The following TAFA3 variants were observed in gnomAD, a reference collection of about 807,000 sequenced individuals.
TAFA3 encodes the protein TAFA chemokine like family member 3.
A neutral mutation model predicts 20.7 loss-of-function variants in TAFA3; 17 were observed. The observed-to-expected ratio is 0.82, with a 90% confidence interval of 0.56 to 1.23. The LOEUF (loss-of-function observed/expected upper bound fraction) is 1.23, where lower values mean the gene tolerates loss of function less well. Ranked by LOEUF, TAFA3 falls within the 50% of genes most tolerant of loss-of-function variation. The pLI is 0.00. For missense variants in TAFA3, 174 were observed against 172.8 expected (o/e 1.01, Z -0.04); for synonymous variants, 74 against 71.8 (o/e 1.03, Z -0.16).
In TAFA3 at chr1:112,720,635, G is replaced by A. The variant is rs1675305906; in HGVS notation, c.-2+1G>A. 6.6e-6 allele frequency: 1 copy of A among 152,530 alleles called. No homozygotes were observed. Among genetic ancestry groups the A allele is most frequent in the Admixed American group, 6.5e-5 (1 of 15,290 alleles). 9.4% of individuals were successfully genotyped at this position (152,530 alleles called of 1,614,324 possible). ...CAGAAACTGAAAGATCCCCAAAAAG[G>A]TAAGTGGGGAGACATTGAAGATGGG... is the stretch of plus-strand genomic sequence containing the variant. On this transcript the variant is annotated splice_donor_variant, in intron 2 of 5. Transcript: ENST00000361886. LOFTEE classifies it low-confidence loss of function (5UTR_SPLICE).
At chr1:112,722,702 C>T (rs114370824) in intron 3 of TAFA3, among the ~76,000 whole-genome samples, 96 of 152,290 alleles carry the variant, frequency 6.3e-4, no homozygotes, top group African/African-American at 2.2e-3. Flanking sequence ...CCTCCCCACG[C>T]ATTGTAAGCC....
intron 2 of TAFA3, among the ~76,000 whole-genome samples, chr1:112,720,848 G>A (rs1392814225): frequency 6.6e-6 from 1 of 152,186 alleles, no homozygotes; most frequent in Non-Finnish European, 1.5e-5. Flanking sequence ...TCAATGGCTG[G>A]GCAGCTCCTA....
chr1:112,721,902 AAG>A (rs1675337537), intron 2 of TAFA3, among the ~76,000 whole-genome samples: 1 of 152,206 alleles, frequency 6.6e-6, no homozygotes, highest in Non-Finnish European at 1.5e-5. Flanking sequence ...TGAAGAATTC[AAG>A]AGTGTGCATG....
In TAFA3 at chr1:112,727,031, CCT is replaced by C. The variant is rs1250831174; in HGVS notation, c.*392_*393del. ...GAGATTCCCACAGTTCTTCAGATAC[CCT>C]GTGGCCACAGGGCATAGAAACAAGA... On this transcript the variant is annotated 3_prime_UTR_variant, in exon 6 of 6. Transcript: ENST00000361886. 1 of 230,176 alleles carries C rather than the reference CCT, an allele frequency of 4.3e-6. No homozygotes were observed. Among genetic ancestry groups the C allele is most frequent in the African/African-American group, 2.3e-5 (1 of 43,692 alleles). 14.3% of individuals were successfully genotyped at this position (230,176 alleles called of 1,614,324 possible).
At position 112,718,983 on chromosome 1, in the gene TAFA3, G is replaced by A. The variant is rs927913289; in HGVS notation, c.-376G>A. ...CCCGGGGCGAGGCGGCGGTTGCGGCGGCGGCTGCGCGCTCCCCGGCCTGCC... is the reference window on the plus strand; with the variant it reads ...CCCGGGGCGAGGCGGCGGTTGCGGCAGCGGCTGCGCGCTCCCCGGCCTGCC... On this transcript the variant is annotated 5_prime_UTR_variant, in exon 1 of 6. Coordinates refer to ENST00000361886, the MANE Select transcript of TAFA3 (RefSeq NM_182759.3). 6.6e-6 allele frequency among the ~76,000 whole-genome samples: 1 copy of A among 152,200 alleles called. No individual in the cohort carries two copies. The highest frequency in any genetic ancestry group is 2.4e-5 in the African/African-American group (1 of 41,460).
chr1:112,722,294 G>A lies in TAFA3; in HGVS notation c.61G>A (p.Ala21Thr), dbSNP rs1675347916. The A allele has an allele frequency of 1.9e-6, 3 of 1,614,068 alleles. No homozygotes were observed. Among genetic ancestry groups the A allele is most frequent in the East Asian group, 4.5e-5 (2 of 44,878 alleles). The change falls in exon 3 of 6, where the codon GCC becomes ACC. Residue 21 changes from alanine to threonine, a missense_variant. Transcript: ENST00000361886. The part of the protein sequence containing the change: ...TGGWLLALCL[A>T]WLWTHLTLAA... ...CGGCTGGCTGCTGGCACTGTGCCTGGCCTGGCTGTGGACCCACCTGACCTT... is the reference window on the plus strand; with the variant it reads ...CGGCTGGCTGCTGGCACTGTGCCTGACCTGGCTGTGGACCCACCTGACCTT...
At chr1:112,725,689 C>T (rs888764120) in intron 5 of TAFA3, among the ~76,000 whole-genome samples, 2 of 152,172 alleles carry the variant, frequency 1.3e-5, no homozygotes, top group African/African-American at 4.8e-5. Context: ...TTTTATCAAA[C>T]TCGTTAGCAG....
intron 1 of TAFA3, among the ~76,000 whole-genome samples, chr1:112,719,980 G>C (rs148594851): frequency 6.7e-4 from 102 of 152,286 alleles, no homozygotes; most frequent in African/African-American, 2.2e-3. Flanking sequence ...AGAGAGGTGA[G>C]GGAAGAGAGG....
At chr1:112,723,885 G>A in intron 4 of TAFA3, 128 bp from the exon 5 acceptor site, 2 of 1,592,396 alleles carry the variant, frequency 1.3e-6, no homozygotes, top group African/African-American at 1.3e-5. Context: ...GTAGGGGAAA[G>A]ACAAGGGAAA....
chr1:112,722,102 A>G, intron 2 of TAFA3, 131 bp from the exon 3 acceptor site: 2 of 888,814 alleles, frequency 2.3e-6, no homozygotes, highest in Non-Finnish European at 3.6e-6. Context: ...CCAGGTCGAA[A>G]GATGCCTGGG....
In TAFA3 at chr1:112,722,997, C is replaced by T. The variant is rs369203913; in HGVS notation, c.116-19C>T. Reference sequence around the variant, plus strand: ...GGGTCGGGCGTGTTGGGCGTCTGATCCTGGGCGGCTCCCCTCAGTGCTTGT... The same window carrying T: ...GGGTCGGGCGTGTTGGGCGTCTGATTCTGGGCGGCTCCCCTCAGTGCTTGT... On this transcript the variant is annotated intron_variant, in intron 3 of 5. Transcript: ENST00000361886. The T allele has an allele frequency of 6.3e-7, 1 of 1,599,560 alleles. No homozygotes were observed. Among genetic ancestry groups the T allele is most frequent in the African/African-American group, 1.3e-5 (1 of 74,636 alleles).
In TAFA3 at chr1:112,726,877, T is replaced by C; in HGVS notation, c.*237T>C. The C allele has an allele frequency of 1.7e-6, 1 of 574,394 alleles. No individual in the cohort carries two copies. The highest frequency in any genetic ancestry group is 3.1e-6 in the Non-Finnish European group (1 of 324,594). The allele number at this position is 574,394 out of a possible 1,614,324, so 35.6% of individuals were successfully genotyped here. ...GACACGAAGGTCAACACACAATTCC[T>C]GCCCTTAAGGAATGTCCAGTTGAAT... is the stretch of plus-strand genomic sequence containing the variant. On this transcript the variant is annotated 3_prime_UTR_variant, in exon 6 of 6. Transcript: ENST00000361886.
In TAFA3 at chr1:112,720,063, C is replaced by T. The variant is rs186930778; in HGVS notation, c.-59-514C>T. On this transcript the variant is annotated intron_variant, in intron 1 of 5. Transcript: ENST00000361886. ...CTCAGGGACCTGGAGTGTCCCCATT[C>T]CAGCCCTCTGGTGTGGGAATGGGGG... Among the ~76,000 whole-genome samples, 6 of 152,282 alleles carry T rather than the reference C, an allele frequency of 3.9e-5. No individual in the cohort carries two copies. In the East Asian group the frequency reaches 1.2e-3, roughly 29 times the overall value.
chr1:112,726,404 G>A (rs1675472970), intron 5 of TAFA3, among the ~76,000 whole-genome samples: 1 of 152,240 alleles, frequency 6.6e-6, no homozygotes, highest in Admixed American at 6.5e-5. Context: ...CTGTAAGGAA[G>A]TGCTTGCAAT....
At chr1:112,719,824 G>C (rs1283997094) in intron 1 of TAFA3, among the ~76,000 whole-genome samples, 4 of 152,108 alleles carry the variant, frequency 2.6e-5, no homozygotes, top group African/African-American at 9.7e-5. Flanking sequence ...TCAGCCCAGG[G>C]AGCACACCCA....
intron 4 of TAFA3, 169 bp from the exon 5 acceptor site, chr1:112,723,844 G>A (rs1675391598): frequency 7.4e-7 from 1 of 1,356,874 alleles, no homozygotes; most frequent in Non-Finnish European, 1.0e-6. Flanking sequence ...CCAGGCCTCA[G>A]GCTGAGTACT....
intron 4 of TAFA3, 181 bp from the exon 5 acceptor site, chr1:112,723,832 C>A: frequency 8.3e-7 from 1 of 1,211,246 alleles, no homozygotes; most frequent in Non-Finnish European, 1.2e-6. Context: ...AGGGTTACGT[C>A]CCCAGGCCTC....
At chr1:112,725,406 A>C (rs74113239) in intron 5 of TAFA3, among the ~76,000 whole-genome samples, 5 of 93,296 alleles carry the variant, frequency 5.4e-5, no homozygotes, top group Admixed American at 1.0e-4. Context: ...AAAAAAAAAA[A>C]AAAAAAAAAC....
At position 112,726,670 on chromosome 1, in the gene TAFA3, G is replaced by A. The variant is rs775384603; in HGVS notation, c.*30G>A. 5 of 1,613,844 alleles carry A rather than the reference G, an allele frequency of 3.1e-6. No homozygotes were observed. In the African/African-American group the frequency reaches 6.7e-5, roughly 22 times the overall value. ...TGGGGGTCACGGCCTGGACAAGAAA[G>A]GCTTGACTGAGCCGTGAACTGAAGA... On this transcript the variant is annotated 3_prime_UTR_variant, in exon 6 of 6. Transcript: ENST00000361886.
Sources: gnomAD v4.1 joint callset for allele counts (sites outside exome capture counted in the v4.1 genomes callset) on GRCh38, gnomAD v4.1.1 for gene constraint, MANE v1.5 for transcripts, NCBI Gene and HGNC (gene_info 2026-07-23, HGNC 2026-07-21) for gene names.